The following LMBR1 variants were observed in gnomAD, a reference collection of about 807,000 sequenced individuals.
LMBR1 encodes the protein limb region 1 protein homolog.
Under a neutral mutation model 73.9 loss-of-function variants are expected in LMBR1, and 52 were observed. The observed-to-expected ratio is 0.70, with a 90% CI of 0.56 to 0.89. LMBR1 has a LOEUF of 0.89. Ranked by LOEUF, LMBR1 falls within the 40% of genes least tolerant of loss-of-function variation. The probability of loss-of-function intolerance (pLI) is 0.00; values close to 1 mark genes in which losing one functional copy is unlikely to be tolerated. For synonymous variants in LMBR1, 215 were observed against 209.4 expected (o/e 1.03, Z -0.23); for missense variants, 539 against 579.8 (o/e 0.93, Z 0.72).
chr7:156,841,929 T>A (rs528477431), intron 1 of LMBR1, among the ~76,000 whole-genome samples: 22 of 140,256 alleles, frequency 1.6e-4, no homozygotes, highest in Non-Finnish European at 8.1e-5. Context: ...AGAGAAAAAT[T>A]ATTGATGCAA....
At chr7:156,724,076 T>C (rs1267083726) in intron 15 of LMBR1, 36 bp downstream of exon 15, 7 of 1,514,246 alleles carry the variant, frequency 4.6e-6, no homozygotes, top group African/African-American at 4.1e-5. Flanking sequence ...TTTAAAAACA[T>C]GGATCTTTAA....
At chr7:156,752,931 T>C (rs1361459611) in intron 9 of LMBR1, among the ~76,000 whole-genome samples, 2 of 141,742 alleles carry the variant, frequency 1.4e-5, no homozygotes, top group African/African-American at 5.4e-5. Flanking sequence ...AGTCCAGGAA[T>C]GTAAACTGTG....
Position 156,887,989 on chromosome 7 carries a change from A to G in LMBR1, c.66+4939T>C, listed in dbSNP as rs1289268157. Among the ~76,000 whole-genome samples, 3 of 152,258 alleles carry G rather than the reference A, an allele frequency of 2.0e-5. No homozygotes were observed. The South Asian group carries it at 6.2e-4, about 32-fold the overall frequency. On this transcript the variant is annotated intron_variant, in intron 1 of 16. Coordinates refer to ENST00000353442, the MANE Select transcript of LMBR1 (RefSeq NM_022458.4). ...ACCATTTCACATCCATTTTAAAAAA[A>G]AGAAGAAAAACAGAAAACAATGTGT...
chr7:156,802,218 G>A (rs936454932), intron 4 of LMBR1, among the ~76,000 whole-genome samples: 6 of 152,062 alleles, frequency 3.9e-5, no homozygotes, highest in Admixed American at 3.3e-4. Flanking sequence ...CCTGACCTCA[G>A]GTGATCCACT....
At chr7:156,825,825 G>A (rs764419805) in intron 4 of LMBR1, among the ~76,000 whole-genome samples, 5 of 152,140 alleles carry the variant, frequency 3.3e-5, no homozygotes, top group African/African-American at 4.8e-5. Context: ...AAGACAACAG[G>A]AAGCCGCGGT....
chr7:156,876,046 T>G (rs1366536532), intron 1 of LMBR1, among the ~76,000 whole-genome samples: 1 of 152,116 alleles, frequency 6.6e-6, no homozygotes, highest in Non-Finnish European at 1.5e-5. Flanking sequence ...TGGATAAGAA[T>G]TCACCAACTA....
chr7:156,876,507 G>A (rs561862195), intron 1 of LMBR1, among the ~76,000 whole-genome samples: 60 of 152,184 alleles, frequency 3.9e-4, no homozygotes, highest in African/African-American at 1.2e-3. Context: ...CCCAACAACC[G>A]CTGAATATAT....
chr7:156,734,529 G>T (rs1057407912), intron 9 of LMBR1, among the ~76,000 whole-genome samples: 1 of 152,162 alleles, frequency 6.6e-6, no homozygotes, highest in South Asian at 2.1e-4. Flanking sequence ...GATAAAAAAC[G>T]ACATATTGGG....
Position 156,682,589 on chromosome 7 carries a change from G to C in LMBR1, c.*1489C>G, listed in dbSNP as rs542933622. On this transcript the variant is annotated 3_prime_UTR_variant, in exon 17 of 17. Coordinates refer to ENST00000353442, the MANE Select transcript of LMBR1 (RefSeq NM_022458.4). Reference sequence around the variant, plus strand: ...AAGCTGCATTTTAGAAAGATGTGAAGCTCGGAAGGAAATGCAGACGTATAA... The same window carrying C: ...AAGCTGCATTTTAGAAAGATGTGAACCTCGGAAGGAAATGCAGACGTATAA... 1 of 152,268 alleles carries C rather than the reference G, an allele frequency of 6.6e-6. No homozygotes were observed. Among genetic ancestry groups the C allele is most frequent in the South Asian group, 2.1e-4 (1 of 4,826 alleles). 9.4% of individuals were successfully genotyped at this position (152,268 alleles called of 1,614,324 possible).
chr7:156,758,702 A>G (rs943511530), intron 8 of LMBR1, among the ~76,000 whole-genome samples: 3 of 152,208 alleles, frequency 2.0e-5, no homozygotes, highest in African/African-American at 2.4e-5. Flanking sequence ...CTGAAGCACT[A>G]GCCAGAGGCA....
intron 1 of LMBR1, among the ~76,000 whole-genome samples, chr7:156,844,922 C>A (rs539587362): frequency 6.6e-6 from 1 of 152,140 alleles, no homozygotes; most frequent in East Asian, 1.9e-4. Flanking sequence ...AACTAATATT[C>A]TTAAATTTGA....
chr7:156,855,061 A>G (rs1796753669), intron 1 of LMBR1, among the ~76,000 whole-genome samples: 1 of 152,204 alleles, frequency 6.6e-6, no homozygotes, highest in South Asian at 2.1e-4. Flanking sequence ...TGCAAAAATC[A>G]CAATCTAAAG....
At chr7:156,714,954 CTTTT>C (rs58088822) in intron 15 of LMBR1, among the ~76,000 whole-genome samples, 2 of 141,994 alleles carry the variant, frequency 1.4e-5, no homozygotes, top group African/African-American at 2.6e-5. Flanking sequence ...ATACTTTTTT[CTTTT>C]TTTTTTTTTT....
At chr7:156,716,619 G>C (rs1813269842) in intron 15 of LMBR1, among the ~76,000 whole-genome samples, 1 of 152,142 alleles carries the variant, frequency 6.6e-6, no homozygotes, top group Non-Finnish European at 1.5e-5. Flanking sequence ...TTTCTCACTT[G>C]GAAAATTAAA....
intron 5 of LMBR1, among the ~76,000 whole-genome samples, chr7:156,774,521 A>G (rs987987555): frequency 1.3e-5 from 2 of 152,238 alleles, no homozygotes; most frequent in African/African-American, 4.8e-5. Flanking sequence ...ACCATGGAAT[A>G]CTATGCAGCA....
rs78358829 is a variant in LMBR1 at position 156,889,670 on chromosome 7, A to G, written c.66+3258T>C. ...CATAATCGGTACCAAAACCGTTTTC[A>G]GGGGAGTAGACGAAGCTCTGGACTG... On this transcript the variant is annotated intron_variant, in intron 1 of 16. Coordinates refer to ENST00000353442, the MANE Select transcript of LMBR1 (RefSeq NM_022458.4). Among the ~76,000 whole-genome samples the G allele has an allele frequency of 0.01, 1,528 of 152,320 alleles. 36 individuals are homozygous for G. In the South Asian group the frequency reaches 0.1, roughly 10 times the overall value.
chr7:156,879,375 G>C (rs1800694409), intron 1 of LMBR1, among the ~76,000 whole-genome samples: 1 of 152,068 alleles, frequency 6.6e-6, no homozygotes, highest in Admixed American at 6.5e-5. Flanking sequence ...TCAAAAAGTG[G>C]GCTAACTGGC....
intron 15 of LMBR1, among the ~76,000 whole-genome samples, chr7:156,696,930 T>C (rs1387066846): frequency 1.3e-5 from 2 of 152,192 alleles, no homozygotes; most frequent in Admixed American, 6.5e-5. Context: ...ACCTTCTGCC[T>C]ATGAGCCTGA....
At chr7:156,842,284 C>G (rs1037931639) in intron 1 of LMBR1, among the ~76,000 whole-genome samples, 1 of 135,880 alleles carries the variant, frequency 7.4e-6, no homozygotes, top group African/African-American at 2.8e-5. Context: ...GACTGAGGCC[C>G]GAACAAAGAG....
Sources: allele counts gnomAD v4.1 joint callset (sites outside exome capture counted in the v4.1 genomes callset), GRCh38; gene constraint gnomAD v4.1.1; transcripts MANE v1.5; gene names NCBI Gene and HGNC (gene_info 2026-07-23, HGNC 2026-07-21).